HCFC2: variants seen among roughly 807,000 people sequenced by gnomAD.
HCFC2 encodes the protein host cell factor C2.
HCFC2 carries 18 observed loss-of-function variants against 89.2 expected under a neutral mutation model. The observed-to-expected ratio is 0.20, with a 90% CI of 0.14 to 0.30. The LOEUF is 0.30. HCFC2 is among the 10% of genes least tolerant of loss of function. The pLI, the probability that HCFC2 is intolerant of heterozygous loss-of-function variation, is 1.00. For missense variants in HCFC2, 578 were observed against 956.1 expected, an observed-to-expected ratio of 0.60 and a Z score of 5.21; for synonymous variants, 308 against 335.7, an observed-to-expected ratio of 0.92 and a Z score of 0.90.
intron 13 of HCFC2, among the ~76,000 whole-genome samples, chr12:104,100,255 T>C (rs1454699173): frequency 6.6e-6 from 1 of 152,112 alleles, no homozygotes; most frequent in African/African-American, 2.4e-5. Flanking sequence ...CTAAGAATTA[T>C]TAAATAGATA....
intron 9 of HCFC2, among the ~76,000 whole-genome samples, chr12:104,092,247 C>T (rs1884042398): frequency 6.6e-6 from 1 of 152,144 alleles, no homozygotes; most frequent in African/African-American, 2.4e-5. Context: ...GTGGTAGATC[C>T]TTCAGCTCAG....
Position 104,064,616 on chromosome 12 carries a change from T to C in HCFC2, c.56T>C (p.Val19Ala). The C allele has an allele frequency of 6.3e-7, 1 of 1,576,616 alleles. No homozygotes were observed. The highest frequency in any genetic ancestry group is 8.6e-7 in the Non-Finnish European group (1 of 1,163,820). The change falls in exon 1 of 15, where the codon GTC becomes GCC. Residue 19 changes from valine (V) to alanine (A), a missense_variant. Val to Ala is a moderately conservative substitution (Grantham distance 64). Transcript: ENST00000229330. The surrounding 1 kb of genome is among the most constrained non-coding windows in gnomAD (Gnocchi z 7.3). ...WRRVSSFTGP[V>A]PRARHGHRAV... is the part of the protein sequence containing the mutation. ...CGAGTTTCTTCCTTCACGGGGCCGG[T>C]CCCCCGCGCCCGGCACGGACACCGA...
At position 104,082,625 on chromosome 12, in the gene HCFC2, A is replaced by G; in HGVS notation, c.874+19A>G. Reference sequence around the variant, plus strand: ...AATCTGGGTGAGTCTTTTAAGAGTTACTCATTGAATTAATCTTTATTAATA... The same window carrying G: ...AATCTGGGTGAGTCTTTTAAGAGTTGCTCATTGAATTAATCTTTATTAATA... On this transcript the variant is annotated intron_variant, in intron 6 of 14. Coordinates refer to ENST00000229330, the MANE Select transcript of HCFC2 (RefSeq NM_013320.3). The G allele has an allele frequency of 6.3e-7, 1 of 1,581,758 alleles. No homozygotes were observed. The highest frequency in any genetic ancestry group is 1.3e-5 in the African/African-American group (1 of 74,132).
chr12:104,075,188 G>A (rs1593594397), intron 3 of HCFC2, among the ~76,000 whole-genome samples: 1 of 78,382 alleles, frequency 1.3e-5, no homozygotes, highest in Non-Finnish European at 2.7e-5. Flanking sequence ...GCCCCTGTCT[G>A]TGAAAATAAA....
intron 9 of HCFC2, among the ~76,000 whole-genome samples, chr12:104,091,154 C>A (rs1423681069): frequency 1.3e-5 from 2 of 152,220 alleles, no homozygotes; most frequent in Admixed American, 1.3e-4. Context: ...CATCCTCATA[C>A]TTGTATCACT....
At chr12:104,080,945 TTTGA>T (rs1254045221) in intron 5 of HCFC2, 115 bp downstream of exon 5, 1 of 638,034 alleles carries the variant, frequency 1.6e-6, no homozygotes, top group Admixed American at 3.3e-5. Flanking sequence ...CTTAACAAAG[TTTGA>T]TTGTGCTGAC....
rs1316721415 is a variant in HCFC2 at position 104,082,794 on chromosome 12, G to A, written c.956G>A (p.Cys319Tyr). ...NSRPRPRAGH[C>Y]AVAIGTRLYF... Reference sequence around the variant, plus strand: ...AGACCAAGACCAAGAGCTGGCCACTGTGCTGTTGCAATCGGCACTCGATTG... The same window carrying A: ...AGACCAAGACCAAGAGCTGGCCACTATGCTGTTGCAATCGGCACTCGATTG... Residue 319 changes from cysteine (C) to tyrosine (Y), a missense_variant, in exon 7 of 15, where the codon TGT becomes TAT. Physicochemically the swap from Cys to Tyr is radical, Grantham distance 194. Transcript: ENST00000229330. The A allele has an allele frequency of 6.2e-7, 1 of 1,614,066 alleles. No homozygotes were observed. The highest frequency in any genetic ancestry group is 8.5e-7 in the Non-Finnish European group (1 of 1,179,954).
At chr12:104,101,854 A>T in intron 13 of HCFC2, 114 bp from the exon 14 acceptor site, 1 of 628,230 alleles carries the variant, frequency 1.6e-6, no homozygotes, top group Non-Finnish European at 2.5e-6. Context: ...CCAGAACCTT[A>T]AAACATAATT....
In HCFC2 at chr12:104,095,440, A is replaced by G. The variant is rs1481831001; in HGVS notation, c.1543A>G (p.Ser515Gly). The G allele has an allele frequency of 4.3e-6, 7 of 1,613,654 alleles. No homozygotes were observed. The African/African-American group carries it at 9.3e-5, about 22-fold the overall frequency. ...RTVIPETSVSSTVSSTQTMVT... is the reference protein window; with the variant it reads ...RTVIPETSVSGTVSSTQTMVT... ...AGTAATTCCTGAAACATCTGTATCC[A>G]GTACTGTTTCCAGCACACAAACTAT... Residue 515 changes from serine to glycine, a missense_variant, in exon 11 of 15, where the codon AGT becomes GGT. Around this residue, in one of 4 missense-constraint regions of HCFC2, gnomAD observed 210 missense variants for 251.7 expected, o/e 0.83. Coordinates refer to ENST00000229330, the MANE Select transcript of HCFC2 (RefSeq NM_013320.3). This position sits in a 1 kb window ranked among gnomAD's most constrained non-coding sequence, Gnocchi z 4.2.
At chr12:104,096,912 C>T (rs1177045800) in intron 12 of HCFC2, among the ~76,000 whole-genome samples, 2 of 152,016 alleles carry the variant, frequency 1.3e-5, no homozygotes, top group Non-Finnish European at 2.9e-5. Flanking sequence ...GGCTGTATTG[C>T]TAGCTGCTTA....
Position 104,103,556 on chromosome 12 carries a change from A to G in HCFC2, c.*283A>G, listed in dbSNP as rs2030011198. On this transcript the variant is annotated 3_prime_UTR_variant, in exon 15 of 15. Transcript: ENST00000229330. ...AAAAGCTAGAAAGCTTTATTACCCC[A>G]ATATCTTTTATAAGGGCTGTGTAAC... The G allele has an allele frequency of 5.9e-6, 2 of 341,682 alleles. No individual in the cohort carries two copies. The highest frequency in any genetic ancestry group is 9.0e-5 in the Admixed American group (2 of 22,118). The allele number at this position is 341,682 out of a possible 1,614,324, so 21.2% of individuals were successfully genotyped here.
intron 11 of HCFC2, 60 bp from the exon 12 acceptor site, chr12:104,096,300 A>G: frequency 1.7e-6 from 2 of 1,145,786 alleles, no homozygotes; most frequent in Non-Finnish European, 2.5e-6. Context: ...TTTAAAAATT[A>G]TATTTTAATG....
At chr12:104,078,388 T>C (rs1883577109) in intron 3 of HCFC2, among the ~76,000 whole-genome samples, 1 of 152,234 alleles carries the variant, frequency 6.6e-6, no homozygotes, top group African/African-American at 2.4e-5. Context: ...AGCTAAACTT[T>C]GAAGTTTTAT....
chr12:104,103,344 T>A lies in HCFC2; in HGVS notation c.*71T>A. 1 of 1,253,022 alleles carries A rather than the reference T, an allele frequency of 8.0e-7. No individual in the cohort carries two copies. The highest frequency in any genetic ancestry group is 1.1e-6 in the Non-Finnish European group (1 of 892,124). The allele number at this position is 1,253,022 out of a possible 1,614,324, so 77.6% of individuals were successfully genotyped here. A position where few individuals can be genotyped will look rare whatever the true frequency, so the allele number is the denominator to read the frequency against. On this transcript the variant is annotated 3_prime_UTR_variant, in exon 15 of 15. Transcript: ENST00000229330. ...TAACTGGTTATGAAGATTTGTCATT[T>A]AAAAGAGTATTCTCTGGCTGTATTT...
At position 104,082,778 on chromosome 12, in the gene HCFC2, C is replaced by G. The variant is rs752539782; in HGVS notation, c.940C>G (p.Pro314Ala). The change falls in exon 7 of 15, where the codon CCA becomes GCA. Residue 314 changes from proline to alanine, a missense_variant. This residue lies in a region of HCFC2 where 206 missense variants were observed against 419.2 expected (regional missense o/e 0.49). Coordinates refer to ENST00000229330, the MANE Select transcript of HCFC2 (RefSeq NM_013320.3). ...AGATAAAAAAAATTCAAGACCAAGA[C>G]CAAGAGCTGGCCACTGTGCTGTTGC... ...QEDKKNSRPR[P>A]RAGHCAVAIG... is the part of the protein sequence containing the mutation. 6.2e-7 allele frequency: 1 copy of G among 1,613,874 alleles called. No homozygotes were observed. The highest frequency in any genetic ancestry group is 8.5e-7 in the Non-Finnish European group (1 of 1,179,954).
At chr12:104,101,898 T>C in intron 13 of HCFC2, 70 bp from the exon 14 acceptor site, 2 of 983,976 alleles carry the variant, frequency 2.0e-6, no homozygotes, top group South Asian at 3.1e-5. Flanking sequence ...TAATAAAAAT[T>C]GAATAATTTT....
chr12:104,065,462 C>T (rs937712928), intron 1 of HCFC2, among the ~76,000 whole-genome samples: 1 of 152,198 alleles, frequency 6.6e-6, no homozygotes, highest in East Asian at 1.9e-4. Flanking sequence ...TGTAAATGCT[C>T]AGGCTGTCAC....
At chr12:104,096,325 T>C (rs775257384) in intron 11 of HCFC2, 35 bp from the exon 12 acceptor site, 3 of 1,427,580 alleles carry the variant, frequency 2.1e-6, no homozygotes, top group African/African-American at 1.4e-5. Flanking sequence ...TGATAAGTTA[T>C]GTAAATCTTA....
chr12:104,070,167 C>T (rs933377501), intron 3 of HCFC2, among the ~76,000 whole-genome samples: 8 of 151,998 alleles, frequency 5.3e-5, no homozygotes, highest in Non-Finnish European at 8.8e-5. Context: ...GGACTACAGG[C>T]GCCCACCACC....
Sources: allele counts gnomAD v4.1 joint callset (sites outside exome capture counted in the v4.1 genomes callset), GRCh38; gene constraint gnomAD v4.1.1; regional missense constraint gnomAD v4.1.1; non-coding constraint Gnocchi (gnomAD v3.1); transcripts MANE v1.5; gene names NCBI Gene and HGNC (gene_info 2026-07-23, HGNC 2026-07-21).